The following SLX4IP variants were observed in gnomAD, a reference collection of about 807,000 sequenced individuals.
SLX4IP encodes SLX4 interacting protein.
A neutral mutation model predicts 32.9 loss-of-function variants in SLX4IP; 34 were observed. The observed-to-expected ratio is 1.03, with a 90% CI of 0.79 to 1.38. The LOEUF (loss-of-function observed/expected upper bound fraction) is 1.38, where lower values mean the gene tolerates loss of function less well. Ranked by LOEUF, SLX4IP falls within the 40% of genes most tolerant of loss-of-function variation. The pLI is 0.00. For synonymous variants in SLX4IP, 172 were observed against 171.7 expected (o/e 1.00, Z -0.01); for missense variants, 444 against 479.0 (o/e 0.93, Z 0.68).
intron 6 of SLX4IP, among the ~76,000 whole-genome samples, chr20:10,615,719 T>C (rs977748197): frequency 6.6e-6 from 1 of 152,162 alleles, no homozygotes; most frequent in Non-Finnish European, 1.5e-5. Context: ...ATTTATTTCT[T>C]ATTGTTCTCA....
chr20:10,508,344 A>C (rs189024007), intron 2 of SLX4IP, among the ~76,000 whole-genome samples: 3 of 152,212 alleles, frequency 2.0e-5, no homozygotes, highest in African/African-American at 7.2e-5. Context: ...CTGTAGCATG[A>C]TTTGTCCTGG....
chr20:10,477,466 C>T (rs1393879089), intron 2 of SLX4IP, among the ~76,000 whole-genome samples: 6 of 152,096 alleles, frequency 3.9e-5, no homozygotes, highest in African/African-American at 1.4e-4. Context: ...GGGGTTTAAC[C>T]ATGTTAGCCA....
chr20:10,552,848 A>G (rs2066231161), intron 2 of SLX4IP, among the ~76,000 whole-genome samples: 1 of 136,076 alleles, frequency 7.3e-6, no homozygotes. Flanking sequence ...TTTTTAAAGA[A>G]TTAGTTTTGC....
chr20:10,585,691 A>G (rs931007106), intron 4 of SLX4IP, among the ~76,000 whole-genome samples: 2 of 151,766 alleles, frequency 1.3e-5, no homozygotes, highest in African/African-American at 2.4e-5. Flanking sequence ...GGTTCAAGCA[A>G]TTCTCCTGCC....
intron 1 of SLX4IP, among the ~76,000 whole-genome samples, chr20:10,437,714 G>A (rs539790913): frequency 1.7e-4 from 26 of 152,338 alleles, no homozygotes; most frequent in African/African-American, 6.3e-4. Flanking sequence ...TTCATGTGGT[G>A]TTGCCAATTG....
chr20:10,519,081 A>G (rs1337237310), intron 2 of SLX4IP, among the ~76,000 whole-genome samples: 1 of 152,226 alleles, frequency 6.6e-6, no homozygotes, highest in Non-Finnish European at 1.5e-5. Context: ...AAATACACCC[A>G]TGTAAATGTA....
Position 10,627,039 on chromosome 20 carries a change from C to T in SLX4IP, c.*3660C>T, listed in dbSNP as rs998977607. On this transcript the variant is annotated 3_prime_UTR_variant, in exon 8 of 8. Coordinates refer to ENST00000334534, the MANE Select transcript of SLX4IP (RefSeq NM_001009608.3). ...AACACATAAGGGAAGGAAACCTCTG[C>T]TCAAGAGAGTGGCCTGGGATCACAG... The T allele has an allele frequency of 6.6e-6, 1 of 152,164 alleles. No homozygotes were observed. The highest frequency in any genetic ancestry group is 2.4e-5 in the African/African-American group (1 of 41,434). The allele number at this position is 152,164 out of a possible 1,614,324, so 9.4% of individuals were successfully genotyped here.
At chr20:10,524,210 A>G (rs2065923779) in intron 2 of SLX4IP, among the ~76,000 whole-genome samples, 1 of 152,192 alleles carries the variant, frequency 6.6e-6, no homozygotes, top group African/African-American at 2.4e-5. Flanking sequence ...TCCGTTTGGG[A>G]TTGATTACAC....
intron 6 of SLX4IP, among the ~76,000 whole-genome samples, chr20:10,603,178 A>C (rs1600147054): frequency 6.6e-6 from 1 of 152,260 alleles, no homozygotes; most frequent in East Asian, 1.9e-4. Flanking sequence ...GAAAACAACA[A>C]TTAACTGTTC....
intron 2 of SLX4IP, among the ~76,000 whole-genome samples, chr20:10,474,146 C>T (rs2065453440): frequency 6.6e-6 from 1 of 152,102 alleles, no homozygotes; most frequent in African/African-American, 2.4e-5. Flanking sequence ...GAACTCCTGA[C>T]CTGAGGTGAT....
At chr20:10,519,473 G>A (rs1037159029) in intron 2 of SLX4IP, among the ~76,000 whole-genome samples, 2 of 152,182 alleles carry the variant, frequency 1.3e-5, no homozygotes, top group African/African-American at 4.8e-5. Flanking sequence ...TATACAACAC[G>A]TGGTGTTTTG....
At chr20:10,613,828 T>C in intron 6 of SLX4IP, 1 of 1,608,742 alleles carries the variant, frequency 6.2e-7, no homozygotes, top group African/African-American at 1.3e-5. Flanking sequence ...TAGGCCTGCT[T>C]AATATCAGCC....
At chr20:10,620,955 A>G (rs2067103781) in intron 6 of SLX4IP, among the ~76,000 whole-genome samples, 1 of 152,198 alleles carries the variant, frequency 6.6e-6, no homozygotes, top group African/African-American at 2.4e-5. Flanking sequence ...AGAAGAACAG[A>G]GCTCACAGGC....
At chr20:10,615,886 GC>G (rs542679649) in intron 6 of SLX4IP, among the ~76,000 whole-genome samples, 126 of 152,124 alleles carry the variant, frequency 8.3e-4, no homozygotes, top group Middle Eastern at 3.4e-3. Context: ...CTTCCTTCAG[GC>G]CCTTTTATAA....
intron 2 of SLX4IP, among the ~76,000 whole-genome samples, chr20:10,469,321 A>T (rs569991073): frequency 4.1e-4 from 62 of 150,066 alleles, no homozygotes; most frequent in South Asian, 2.1e-3. Flanking sequence ...TTGTTTTTTT[A>T]AAAAAAAAAT....
chr20:10,627,812 GGT>G lies in SLX4IP; in HGVS notation c.*4437_*4438del, dbSNP rs1426362382. ...TAAAGTATTTGATCAGGGAACAGAA[GGT>G]GTGAATTGGACAGATCCCCCGAATA... On this transcript the variant is annotated 3_prime_UTR_variant, in exon 8 of 8. Transcript: ENST00000334534. The G allele has an allele frequency of 6.6e-6, 1 of 152,208 alleles. No individual in the cohort carries two copies. Among genetic ancestry groups the G allele is most frequent in the Non-Finnish European group, 1.5e-5 (1 of 68,032 alleles). The allele number at this position is 152,208 out of a possible 1,614,324, so 9.4% of individuals were successfully genotyped here.
intron 1 of SLX4IP, among the ~76,000 whole-genome samples, chr20:10,451,758 G>A (rs2122332040): frequency 6.6e-6 from 1 of 151,564 alleles, no homozygotes; most frequent in East Asian, 2.0e-4. Context: ...CATGAGGTCA[G>A]GAGTTCGAGA....
intron 2 of SLX4IP, among the ~76,000 whole-genome samples, chr20:10,463,044 A>T (rs747727443): frequency 6.6e-6 from 1 of 152,120 alleles, no homozygotes; most frequent in Non-Finnish European, 1.5e-5. Flanking sequence ...ACATAGAGAG[A>T]CCCTGTCTCT....
rs181684984 is a variant in SLX4IP, at chr20:10,518,192, C to A, written c.28-38039C>A. On this transcript the variant is annotated intron_variant, in intron 2 of 7. Coordinates refer to ENST00000334534, the MANE Select transcript of SLX4IP (RefSeq NM_001009608.3). ...TAAAAGTTGAAGGAAAAAAAGAGTT[C>A]TGTTTAGAAAAGTTAATGTTCTGTT... Among the ~76,000 whole-genome samples the A allele has an allele frequency of 3.1e-4, 47 of 152,298 alleles. No homozygotes were observed. In the Middle Eastern group the frequency reaches 0.01, roughly 33 times the overall value.
Sources: gnomAD v4.1 joint callset for allele counts (sites outside exome capture counted in the v4.1 genomes callset) on GRCh38, gnomAD v4.1.1 for gene constraint, MANE v1.5 for transcripts, NCBI Gene and HGNC (gene_info 2026-07-23, HGNC 2026-07-21) for gene names.